The following SCN2B variants were observed in gnomAD, a reference collection of about 807,000 sequenced individuals.
SCN2B encodes sodium channel regulatory subunit beta-2.
A neutral mutation model predicts 18.2 loss-of-function variants in SCN2B; 14 were observed. The observed-to-expected ratio is 0.77, with a 90% CI of 0.51 to 1.21. The LOEUF (loss-of-function observed/expected upper bound fraction) is 1.21, where lower values mean the gene tolerates loss of function less well. Among genes scored for constraint, SCN2B ranks in the 50% most tolerant of loss-of-function variants. The pLI is 0.00. For missense variants in SCN2B, 262 were observed against 286.9 expected (o/e 0.91, Z 0.63); for synonymous variants, 115 against 115.3 (o/e 1.00, Z 0.02).
intron 1 of SCN2B, among the ~76,000 whole-genome samples, chr11:118,171,033 G>C (rs1301015404): frequency 6.6e-6 from 1 of 152,118 alleles, no homozygotes; most frequent in African/African-American, 2.4e-5. Context: ...CATCTGCCTG[G>C]AGCACCCTTC....
rs780866734 is a variant in SCN2B at position 118,176,484 on chromosome 11, G to A, written c.-53C>T. 5.7e-6 allele frequency: 8 copies of A among 1,396,624 alleles called. No individual in the cohort carries two copies. Among genetic ancestry groups the A allele is most frequent in the African/African-American group, 2.8e-5 (2 of 70,386 alleles). The allele number at this position is 1,396,624 out of a possible 1,614,324, so 86.5% of individuals were successfully genotyped here. A position where few individuals can be genotyped will look rare whatever the true frequency, so the allele number is the denominator to read the frequency against. On this transcript the variant is annotated 5_prime_UTR_variant, in exon 1 of 4. Transcript: ENST00000278947. ...GGGCTACGGGAGAGGGTGATTTGAG[G>A]GGGCGAGAACTACAAGGGAGGAATG...
In SCN2B at chr11:118,170,733, G is replaced by A. The variant is rs146015963; in HGVS notation, c.71-1982C>T. Among the ~76,000 whole-genome samples the A allele has an allele frequency of 1.4e-4, 21 of 152,282 alleles. No homozygotes were observed. The East Asian group carries it at 4.1e-3, about 29-fold the overall frequency. ...GGCTACTCCTTTGTAAAACGCAGTT[G>A]GTGACACCGATCTCCCAGGGTTGTT... On this transcript the variant is annotated intron_variant, in intron 1 of 3. Transcript: ENST00000278947.
At chr11:118,174,679 C>T (rs1948455821) in intron 1 of SCN2B, among the ~76,000 whole-genome samples, 1 of 152,140 alleles carries the variant, frequency 6.6e-6, no homozygotes. Context: ...CTACCATCTC[C>T]CCACCCCAAA....
At chr11:118,171,786 G>C (rs1948433470) in intron 1 of SCN2B, among the ~76,000 whole-genome samples, 1 of 152,230 alleles carries the variant, frequency 6.6e-6, no homozygotes, top group Non-Finnish European at 1.5e-5. Flanking sequence ...AAGGTACCGG[G>C]CGGAACACGC....
chr11:118,171,803 T>A (rs1948433595), intron 1 of SCN2B, among the ~76,000 whole-genome samples: 1 of 152,172 alleles, frequency 6.6e-6, no homozygotes, highest in South Asian at 2.1e-4. Context: ...ACGCGTGCCC[T>A]CTAGTGGTCA....
At position 118,176,504 on chromosome 11, in the gene SCN2B, G is replaced by GTT; in HGVS notation, c.-74_-73insAA. 1.8e-6 allele frequency: 2 copies of GTT among 1,085,830 alleles called. No homozygotes were observed. Among genetic ancestry groups the GTT allele is most frequent in the South Asian group, 2.5e-5 (2 of 80,206 alleles). 67.3% of individuals were successfully genotyped at this position (1,085,830 alleles called of 1,614,324 possible). A position where few individuals can be genotyped will look rare whatever the true frequency, so the allele number is the denominator to read the frequency against. Reference sequence around the variant, plus strand: ...TTGAGGGGGCGAGAACTACAAGGGAGGAATGGTTGGATGCTAAAAAAAAAT... The same window carrying GTT: ...TTGAGGGGGCGAGAACTACAAGGGAGTTGAATGGTTGGATGCTAAAAAAAAAT... On this transcript the variant is annotated 5_prime_UTR_variant, in exon 1 of 4. The change creates a premature stop within an existing upstream ORF in the 5' untranslated region. Transcript: ENST00000278947.
chr11:118,169,766 G>A (rs1948415186), intron 1 of SCN2B, among the ~76,000 whole-genome samples: 2 of 152,186 alleles, frequency 1.3e-5, no homozygotes, highest in South Asian at 2.1e-4. Flanking sequence ...AGGAACACCA[G>A]ACTGAGGCCA....
rs927834037 is a variant in SCN2B at position 118,163,512 on chromosome 11, A to T, written c.*3375T>A. The T allele has an allele frequency of 2.0e-5, 3 of 152,682 alleles. No individual in the cohort carries two copies. Among genetic ancestry groups the T allele is most frequent in the African/African-American group, 7.2e-5 (3 of 41,454 alleles). The allele number at this position is 152,682 out of a possible 1,614,324, so 9.5% of individuals were successfully genotyped here. A position where few individuals can be genotyped will look rare whatever the true frequency, so the allele number is the denominator to read the frequency against. ...TGAAGAGTCCATAGCTAGGGGGCAG[A>T]TAGCTATTTCCAAAGCCAGTTCCAA... On this transcript the variant is annotated 3_prime_UTR_variant, in exon 4 of 4. Coordinates refer to ENST00000278947, the MANE Select transcript of SCN2B (RefSeq NM_004588.5).
intron 1 of SCN2B, among the ~76,000 whole-genome samples, chr11:118,174,856 C>A (rs535699346): frequency 3.9e-5 from 6 of 152,330 alleles, no homozygotes; most frequent in African/African-American, 1.4e-4. Flanking sequence ...TCCTGTCCTC[C>A]AGCTGGGCCT....
Position 118,168,408 on chromosome 11 carries a change from C to T in SCN2B, c.238-113G>A, listed in dbSNP as rs1167391848. ...TTTTCCTGGGGAAGAGAGGCAGTTA[C>T]CTCTGTGAGGCACCTGGATGCGCAG... On this transcript the variant is annotated intron_variant, in intron 2 of 3. Transcript: ENST00000278947. The surrounding 1 kb of genome is among the most constrained non-coding windows in gnomAD (Gnocchi z 4.7). 4 of 1,276,218 alleles carry T rather than the reference C, an allele frequency of 3.1e-6. No homozygotes were observed. In the Admixed American group the frequency reaches 6.9e-5, roughly 22 times the overall value. The allele number at this position is 1,276,218 out of a possible 1,614,324, so 79.1% of individuals were successfully genotyped here. A position where few individuals can be genotyped will look rare whatever the true frequency, so the allele number is the denominator to read the frequency against.
intron 1 of SCN2B, among the ~76,000 whole-genome samples, chr11:118,173,756 G>A (rs1470239615): frequency 6.6e-6 from 1 of 152,080 alleles, no homozygotes; most frequent in Non-Finnish European, 1.5e-5. Context: ...TATTCATCTT[G>A]GTATCCCTGG....
At position 118,166,692 on chromosome 11, in the gene SCN2B, A is replaced by T; in HGVS notation, c.*195T>A. 1 of 647,006 alleles carries T rather than the reference A, an allele frequency of 1.5e-6. No individual in the cohort carries two copies. Among genetic ancestry groups the T allele is most frequent in the Non-Finnish European group, 2.7e-6 (1 of 365,642 alleles). The allele number at this position is 647,006 out of a possible 1,614,324, so 40.1% of individuals were successfully genotyped here. On this transcript the variant is annotated 3_prime_UTR_variant, in exon 4 of 4. Transcript: ENST00000278947. Reference sequence around the variant, plus strand: ...GGGCCCACACGTCCCAGAGCATGGCAGGTTTCTCGGATGGAAGAGAGTGGG... The same window carrying T: ...GGGCCCACACGTCCCAGAGCATGGCTGGTTTCTCGGATGGAAGAGAGTGGG...
rs369244943 is a variant in SCN2B at position 118,166,923 on chromosome 11, C to T, written c.612G>A (p.Thr204=). ...DDLKTEEEGK[T]DGEGNPDDGA... is the part of the protein sequence containing the mutation. The stretch of plus-strand genomic sequence containing the variant: ...CATCATCCGGGTTGCCTTCACCGTC[C>T]GTCTTGCCCTCCTCCTCGGTCTTCA... Residue 204 remains threonine (T), a synonymous_variant, in exon 4 of 4, where the codon ACG becomes ACA. Coordinates refer to ENST00000278947, the MANE Select transcript of SCN2B (RefSeq NM_004588.5). 151 of 1,614,144 alleles carry T rather than the reference C, an allele frequency of 9.4e-5. No individual in the cohort carries two copies. The East Asian group carries it at 9.6e-4, about 10-fold the overall frequency.
At chr11:118,173,618 C>T (rs933076903) in intron 1 of SCN2B, among the ~76,000 whole-genome samples, 1 of 152,202 alleles carries the variant, frequency 6.6e-6, no homozygotes, top group African/African-American at 2.4e-5. Flanking sequence ...TAGCACATGG[C>T]CTGGACAAAA....
At chr11:118,175,878 A>T (rs1184859615) in intron 1 of SCN2B, among the ~76,000 whole-genome samples, 2 of 152,150 alleles carry the variant, frequency 1.3e-5, no homozygotes, top group African/African-American at 4.8e-5. Context: ...AGTGAGACCG[A>T]GTGCCAAGAA....
In SCN2B at chr11:118,168,009, G is replaced by A. The variant is rs968852644; in HGVS notation, c.448+76C>T. On this transcript the variant is annotated intron_variant, in intron 3 of 3. Transcript: ENST00000278947. This position sits in a 1 kb window ranked among gnomAD's most constrained non-coding sequence, Gnocchi z 4.7. ...CTCAGGAGGGCCTGGCCTCCCCAAA[G>A]TGCCCTGAGCAAATGCCGCAGAGAG... 6.2e-6 allele frequency: 8 copies of A among 1,281,424 alleles called. No homozygotes were observed. The African/African-American group carries it at 8.8e-5, about 14-fold the overall frequency. 79.4% of individuals were successfully genotyped at this position (1,281,424 alleles called of 1,614,324 possible).
Position 118,167,069 on chromosome 11 carries a change from A to T in SCN2B, c.466T>A (p.Ser156Thr). 1 of 1,612,590 alleles carries T rather than the reference A, an allele frequency of 6.2e-7. No homozygotes were observed. The highest frequency in any genetic ancestry group is 8.5e-7 in the Non-Finnish European group (1 of 1,180,000). The change falls in exon 4 of 4, where the codon TCC becomes ACC. Residue 156 changes from serine to threonine, a missense_variant. Physicochemically the swap from Ser to Thr is moderately conservative, Grantham distance 58. Transcript: ENST00000278947. ...GCACCCACAATCACGGCCACCGTGG[A>T]GTCCCGCTCAGGGGGCTCTGGAAAG... ...VLMEEPPERDSTVAVIVGASV... is the reference protein window; with the variant it reads ...VLMEEPPERDTTVAVIVGASV...
In SCN2B at chr11:118,166,761, G is replaced by A; in HGVS notation, c.*126C>T. 1 of 1,096,342 alleles carries A rather than the reference G, an allele frequency of 9.1e-7. No individual in the cohort carries two copies. Among genetic ancestry groups the A allele is most frequent in the East Asian group, 2.5e-5 (1 of 40,714 alleles). The allele number at this position is 1,096,342 out of a possible 1,614,324, so 67.9% of individuals were successfully genotyped here. ...GGGAGATACGAAGTCGGGGGTTCAG[G>A]AGGCCCCAGGTGGGCCCTGGGGTCC... On this transcript the variant is annotated 3_prime_UTR_variant, in exon 4 of 4. Coordinates refer to ENST00000278947, the MANE Select transcript of SCN2B (RefSeq NM_004588.5).
chr11:118,167,161 T>G, intron 3 of SCN2B, 75 bp from the exon 4 acceptor site: 1 of 1,469,286 alleles, frequency 6.8e-7, no homozygotes, highest in Non-Finnish European at 9.3e-7. Context: ...ACCCGTGGCA[T>G]GCGTGGAACC....
Sources: allele counts gnomAD v4.1 joint callset (sites outside exome capture counted in the v4.1 genomes callset), GRCh38; gene constraint gnomAD v4.1.1; non-coding constraint Gnocchi (gnomAD v3.1); transcripts MANE v1.5; gene names NCBI Gene and HGNC (gene_info 2026-07-23, HGNC 2026-07-21).